The following LRRC37A2 variants were observed in gnomAD, a reference collection of about 807,000 sequenced individuals.
LRRC37A2 encodes leucine rich repeat containing 37 member A2, also known as leucine-rich repeat-containing protein 37A2.
A neutral mutation model predicts 68.8 loss-of-function variants in LRRC37A2; 9 were observed. That is an observed-to-expected ratio of 0.13 (90% CI 0.08 to 0.23). LRRC37A2 has a LOEUF of 0.23. Among genes scored for constraint, LRRC37A2 ranks in the 10% least tolerant of loss-of-function variants. The probability of loss-of-function intolerance (pLI) is 1.00; values close to 1 mark genes in which losing one functional copy is unlikely to be tolerated. For synonymous variants in LRRC37A2, 63 were observed against 367.6 expected (o/e 0.17, Z 9.48); for missense variants, 168 against 950.4 (o/e 0.18, Z 10.82).
chr17:46,925,626 C>T, the LRRC37A2 span, among the ~76,000 whole-genome samples: 1 of 152,196 alleles, frequency 6.6e-6, no homozygotes, highest in Non-Finnish European at 1.5e-5. Flanking sequence ...ACAAGAAACA[C>T]GTGGAGTCCA....
chr17:46,967,903 GT>G, the LRRC37A2 span, among the ~76,000 whole-genome samples: 2 of 152,210 alleles, frequency 1.3e-5, no homozygotes, highest in African/African-American at 4.8e-5. Flanking sequence ...AAGCAGGGAG[GT>G]GGCCAAGAGG....
chr17:46,558,298 A>G (rs1312215717), downstream of LRRC37A2, among the ~76,000 whole-genome samples: 3 of 108,044 alleles, frequency 2.8e-5, no homozygotes, highest in South Asian at 2.8e-4. Context: ...GACCTCAGGT[A>G]ATCCACCCGC....
At chr17:46,542,823 C>A (rs538422412) in intron 8 of LRRC37A2, among the ~76,000 whole-genome samples, 1 of 150,758 alleles carries the variant, frequency 6.6e-6, no homozygotes, top group African/African-American at 2.5e-5. Context: ...ATATGGCAAG[C>A]TAAATAGAGA....
the LRRC37A2 span, chr17:46,769,762 G>C: frequency 1.2e-6 from 2 of 1,607,656 alleles, no homozygotes; most frequent in Admixed American, 3.3e-5. Context: ...TGAAGGGTTT[G>C]GGGAGGGTAG....
chr17:46,940,384 G>A, the LRRC37A2 span: 2 of 1,535,122 alleles, frequency 1.3e-6, no homozygotes, highest in Admixed American at 1.9e-5. Context: ...CTGGAGGGTG[G>A]ACTGGGGGGT....
the LRRC37A2 span, chr17:47,033,481 A>G: frequency 1.5e-6 from 1 of 663,234 alleles, no homozygotes. Flanking sequence ...TTCTTTGACT[A>G]CCTTCTTCCA....
chr17:46,906,038 G>C, the LRRC37A2 span, among the ~76,000 whole-genome samples: 12 of 152,246 alleles, frequency 7.9e-5, no homozygotes, highest in Middle Eastern at 6.8e-3. Flanking sequence ...CTCCTCCTGC[G>C]CCACCTTTGT....
the LRRC37A2 span, among the ~76,000 whole-genome samples, chr17:46,504,941 TTAAC>T: frequency 3.0e-4 from 33 of 109,964 alleles, 3 homozygotes; most frequent in Admixed American, 1.5e-3. Context: ...GATTTATTAA[TTAAC>T]TAATTTTGAG....
At chr17:46,941,092 G>T in the LRRC37A2 span, 1 of 1,040,904 alleles carries the variant, frequency 9.6e-7, no homozygotes, top group Non-Finnish European at 1.2e-6. Context: ...AGTTTGGTGT[G>T]CCTATTGTGA....
the LRRC37A2 span, chr17:46,948,619 A>C: frequency 6.6e-6 from 1 of 152,368 alleles, no homozygotes; most frequent in African/African-American, 2.4e-5. Flanking sequence ...TACTTCACAG[A>C]ACTGTGGTGA....
the LRRC37A2 span, among the ~76,000 whole-genome samples, chr17:46,880,721 A>AT: frequency 1.3e-5 from 2 of 151,996 alleles, no homozygotes; most frequent in Non-Finnish European, 2.9e-5. Flanking sequence ...AAAGTATGGG[A>AT]TTTTTTTCCT....
At chr17:46,999,686 T>C in the LRRC37A2 span, among the ~76,000 whole-genome samples, 1 of 151,996 alleles carries the variant, frequency 6.6e-6, no homozygotes, top group Non-Finnish European at 1.5e-5. Flanking sequence ...ATTTAGTTTC[T>C]TAACCACTCT....
the LRRC37A2 span, among the ~76,000 whole-genome samples, chr17:46,961,077 T>C: frequency 2.0e-5 from 3 of 152,144 alleles, no homozygotes; most frequent in South Asian, 6.2e-4. Context: ...AATAACTTGG[T>C]AGATGAGAGA....
chr17:46,613,335 A>G, the LRRC37A2 span, among the ~76,000 whole-genome samples: 1 of 2,370 alleles, frequency 4.2e-4, no homozygotes, highest in East Asian at 2.2e-3. Context: ...TAAATGATTA[A>G]TTTTATGTGA....
At chr17:46,873,988 CAA>C in the LRRC37A2 span, among the ~76,000 whole-genome samples, 38 of 69,694 alleles carry the variant, frequency 5.5e-4, no homozygotes, top group African/African-American at 8.0e-4. Flanking sequence ...GACTCTGTCT[CAA>C]AAAAAAAAAA....
the LRRC37A2 span, chr17:46,728,812 C>A: frequency 1.6e-6 from 2 of 1,278,274 alleles, no homozygotes; most frequent in Non-Finnish European, 1.1e-6. Flanking sequence ...GGAATATGTA[C>A]ATGTGTATCA....
chr17:46,838,323 A>T, the LRRC37A2 span, among the ~76,000 whole-genome samples: 4 of 114,914 alleles, frequency 3.5e-5, no homozygotes, highest in African/African-American at 4.7e-5. Flanking sequence ...GGCCTGCCTT[A>T]AAAAAAAAAA....
At chr17:46,908,794 A>C in the LRRC37A2 span, among the ~76,000 whole-genome samples, 3 of 152,140 alleles carry the variant, frequency 2.0e-5, no homozygotes. Context: ...ATTCACCTCC[A>C]ACAGAAAGCT....
At chr17:47,030,088 AATCATCATCATC>A in the LRRC37A2 span, among the ~76,000 whole-genome samples, 1,122 of 107,090 alleles carry the variant, frequency 0.01, 49 homozygotes, top group African/African-American at 0.037. Flanking sequence ...TAATAATAAT[AATCATCATCATC>A]ATCATCATCA....
Sources: gnomAD v4.1 joint callset for allele counts (sites outside exome capture counted in the v4.1 genomes callset) on GRCh38, gnomAD v4.1.1 for gene constraint, MANE v1.5 for transcripts, NCBI Gene and HGNC (gene_info 2026-07-23, HGNC 2026-07-21) for gene names.